PDE7A: variants seen among roughly 807,000 people sequenced by gnomAD.
The protein encoded by PDE7A is phosphodiesterase 7A, also known as high affinity 3',5'-cyclic-AMP phosphodiesterase 7A.
Under a neutral mutation model 64.3 loss-of-function variants are expected in PDE7A, and 39 were observed. The ratio of observed to expected loss-of-function variants is 0.61; its 90% CI spans 0.47 to 0.79. PDE7A has a LOEUF of 0.79. Ranked by LOEUF, PDE7A falls within the 30% of genes least tolerant of loss-of-function variation. The pLI is 0.00. For synonymous variants in PDE7A, 203 were observed against 206.8 expected, an observed-to-expected ratio of 0.98 and a Z score of 0.16; for missense variants, 470 against 582.8, an observed-to-expected ratio of 0.81 and a Z score of 1.99.
chr8:65,749,806 G>T lies in PDE7A; in HGVS notation c.284-2003C>A, dbSNP rs1335357317. Among the ~76,000 whole-genome samples, 6 of 152,122 alleles carry T rather than the reference G, an allele frequency of 3.9e-5. No homozygotes were observed. The South Asian group carries it at 1.2e-3, about 31-fold the overall frequency. The stretch of plus-strand genomic sequence containing the variant: ...TTATAAAGCCTGTTTACTCACAAGG[G>T]TTTTTAAATTATATTTCTACAGTAT... On this transcript the variant is annotated intron_variant, in intron 3 of 12. Transcript: ENST00000401827.
At chr8:65,807,790 G>A (rs946018853) in intron 1 of PDE7A, among the ~76,000 whole-genome samples, 3 of 152,152 alleles carry the variant, frequency 2.0e-5, no homozygotes, top group African/African-American at 7.2e-5. Context: ...ATGAGCACAT[G>A]GCTTTTTTTA....
chr8:65,820,137 T>C (rs1284782687), intron 1 of PDE7A, among the ~76,000 whole-genome samples: 1 of 152,262 alleles, frequency 6.6e-6, no homozygotes. Flanking sequence ...GGCTCACGCC[T>C]GTCATCCCAA....
chr8:65,742,087 G>A (rs1407762312), intron 5 of PDE7A, among the ~76,000 whole-genome samples: 5 of 152,202 alleles, frequency 3.3e-5, no homozygotes, highest in African/African-American at 1.2e-4. Flanking sequence ...GAGATGCTCA[G>A]TTGTGTTAAA....
intron 3 of PDE7A, among the ~76,000 whole-genome samples, chr8:65,778,933 A>G (rs1345037671): frequency 6.6e-6 from 1 of 152,214 alleles, no homozygotes. Flanking sequence ...GCTGGGCTCT[A>G]AACACCTGTT....
Position 65,719,035 on chromosome 8 carries a change from G to C in PDE7A, c.*255C>G, listed in dbSNP as rs142722562. 5.8e-6 allele frequency: 3 copies of C among 514,314 alleles called. No homozygotes were observed. The highest frequency in any genetic ancestry group is 1.1e-5 in the Non-Finnish European group (3 of 285,636). 31.9% of individuals were successfully genotyped at this position (514,314 alleles called of 1,614,324 possible). A position where few individuals can be genotyped will look rare whatever the true frequency, so the allele number is the denominator to read the frequency against. The stretch of plus-strand genomic sequence containing the variant: ...CAAAACTTCCTTTGTTACTCCTTTC[G>C]GATTCTCTCCTGCTGGGCTTTGCAT... On this transcript the variant is annotated 3_prime_UTR_variant, in exon 13 of 13. Transcript: ENST00000401827.
At chr8:65,778,805 T>G (rs1797695942) in intron 3 of PDE7A, among the ~76,000 whole-genome samples, 1 of 152,182 alleles carries the variant, frequency 6.6e-6, no homozygotes, top group African/African-American at 2.4e-5. Flanking sequence ...GAGTCACAGA[T>G]CACATTAATG....
intron 1 of PDE7A, among the ~76,000 whole-genome samples, chr8:65,799,639 G>C (rs561155350): frequency 6.6e-6 from 1 of 152,156 alleles, no homozygotes; most frequent in Non-Finnish European, 1.5e-5. Context: ...TGTTAGGAGA[G>C]GTTAAGTGTC....
At chr8:65,801,810 G>A (rs571841106) in intron 1 of PDE7A, among the ~76,000 whole-genome samples, 34 of 152,214 alleles carry the variant, frequency 2.2e-4, no homozygotes, top group African/African-American at 7.5e-4. Context: ...GTAACTTAAG[G>A]AACTCTAACT....
rs1330935960 is a variant in PDE7A at position 65,730,180 on chromosome 8, T to C, written c.697-2879A>G. ...TCCAGGTTGCGCACTTCTTTTTTTT[T>C]TTTTTTTTTTTTTTTTTGAGATGGA... is the stretch of plus-strand genomic sequence containing the variant. On this transcript the variant is annotated intron_variant, in intron 7 of 12. Coordinates refer to ENST00000401827, the MANE Select transcript of PDE7A (RefSeq NM_001242318.3). Among the ~76,000 whole-genome samples the C allele has an allele frequency of 7.2e-3, 858 of 119,756 alleles. 23 individuals carry two copies. Among genetic ancestry groups the C allele is most frequent in the Non-Finnish European group, 0.01 (548 of 54,438 alleles). The allele number at this position is 119,756 out of a possible 152,430, so 78.6% of individuals were successfully genotyped here.
At chr8:65,815,734 G>T (rs1372823467) in intron 1 of PDE7A, among the ~76,000 whole-genome samples, 1 of 117,756 alleles carries the variant, frequency 8.5e-6, no homozygotes, top group Non-Finnish European at 1.7e-5. Flanking sequence ...GGATTTTAAT[G>T]TAACAGTACA....
At chr8:65,720,578 T>C (rs1283721214) in intron 12 of PDE7A, 1 of 154,164 alleles carries the variant, frequency 6.5e-6, no homozygotes, top group African/African-American at 2.4e-5. Context: ...ATCTGAAATA[T>C]TAATTATGTA....
At chr8:65,767,374 A>T (rs184140568) in intron 3 of PDE7A, among the ~76,000 whole-genome samples, 1 of 152,372 alleles carries the variant, frequency 6.6e-6, no homozygotes, top group Non-Finnish European at 1.5e-5. Context: ...AGGTTGAATA[A>T]AAGTTTTTAA....
intron 5 of PDE7A, among the ~76,000 whole-genome samples, chr8:65,745,114 T>C (rs747012634): frequency 1.3e-5 from 2 of 152,228 alleles, no homozygotes; most frequent in Non-Finnish European, 2.9e-5. Flanking sequence ...CCCCTTTTGC[T>C]TGGCTCTCAT....
intron 1 of PDE7A, among the ~76,000 whole-genome samples, chr8:65,815,572 T>G (rs116395968): frequency 0.043 from 6,532 of 152,268 alleles, 221 homozygotes; most frequent in African/African-American, 0.099. Flanking sequence ...AAGAGAGATG[T>G]GTTCATTTTA....
intron 3 of PDE7A, among the ~76,000 whole-genome samples, chr8:65,765,139 TC>T (rs1808702610): frequency 6.6e-6 from 1 of 152,008 alleles, no homozygotes. Context: ...TCCTGAAAGG[TC>T]CCCCTGCTGC....
At chr8:65,838,007 G>A (rs1810990159) in intron 1 of PDE7A, among the ~76,000 whole-genome samples, 1 of 150,394 alleles carries the variant, frequency 6.6e-6, no homozygotes, top group Non-Finnish European at 1.5e-5. Context: ...TATTCTATGA[G>A]TATATATTTG....
chr8:65,839,419 A>G (rs11781192), intron 1 of PDE7A, among the ~76,000 whole-genome samples: 1 of 151,870 alleles, frequency 6.6e-6, no homozygotes, highest in Admixed American at 6.5e-5. Context: ...TCCTATTACA[A>G]ATTCACATCT....
chr8:65,733,249 C>G (rs1396296329), intron 7 of PDE7A, among the ~76,000 whole-genome samples: 1 of 152,144 alleles, frequency 6.6e-6, no homozygotes, highest in Non-Finnish European at 1.5e-5. Flanking sequence ...TGGCATCACC[C>G]AGATTTCCCT....
intron 1 of PDE7A, among the ~76,000 whole-genome samples, chr8:65,810,425 A>G (rs1431453653): frequency 6.6e-6 from 1 of 152,202 alleles, no homozygotes; most frequent in East Asian, 1.9e-4. Flanking sequence ...GCAGCAAACC[A>G]ACACAGCACA....
Sources: gnomAD v4.1 joint callset for allele counts (sites outside exome capture counted in the v4.1 genomes callset) on GRCh38, gnomAD v4.1.1 for gene constraint, MANE v1.5 for transcripts, NCBI Gene and HGNC (gene_info 2026-07-23, HGNC 2026-07-21) for gene names.